Variants in RUNX1 observed in about 807,000 individuals in gnomAD.
The protein encoded by RUNX1 is RUNX family transcription factor 1.
Under a neutral mutation model 42.8 loss-of-function variants are expected in RUNX1, and 19 were observed. The observed-to-expected ratio is 0.44, with a 90% CI of 0.31 to 0.65. The LOEUF (loss-of-function observed/expected upper bound fraction) is 0.65. Among genes scored for constraint, RUNX1 ranks in the 30% least tolerant of loss-of-function variants. The pLI, the probability that RUNX1 is intolerant of heterozygous loss-of-function variation, is 0.07. For missense variants in RUNX1, 528 were observed against 672.0 expected, an observed-to-expected ratio of 0.79 and a Z score of 2.37; for synonymous variants, 271 against 289.4, an observed-to-expected ratio of 0.94 and a Z score of 0.64.
intron 8 of RUNX1, among the ~76,000 whole-genome samples, chr21:34,793,700 TTTA>T (rs1462336370): frequency 7.5e-6 from 1 of 133,522 alleles, no homozygotes; most frequent in African/African-American, 3.0e-5. Flanking sequence ...AGAGCAAATA[TTTA>T]TTCTTTTTTT....
chr21:34,813,220 A>G (rs934568531), intron 7 of RUNX1, among the ~76,000 whole-genome samples: 11 of 152,100 alleles, frequency 7.2e-5, no homozygotes, highest in Non-Finnish European at 1.5e-4. Flanking sequence ...ACATCCTACA[A>G]TGCACAGGAT....
At chr21:34,945,816 T>C (rs1157998501) in intron 2 of RUNX1, among the ~76,000 whole-genome samples, 5 of 152,220 alleles carry the variant, frequency 3.3e-5, no homozygotes, top group South Asian at 2.1e-4. Flanking sequence ...ATTGTATCTA[T>C]GAATGTGAAC....
chr21:34,995,435 CTTTTTTTTT>C (rs5843694), intron 2 of RUNX1, among the ~76,000 whole-genome samples: 2 of 82,074 alleles, frequency 2.4e-5, no homozygotes, highest in Non-Finnish European at 4.4e-5. Flanking sequence ...TTTCTGGGAG[CTTTTTTTTT>C]TTTTTTTTTT....
At chr21:35,012,387 T>C (rs2059132118) in intron 2 of RUNX1, among the ~76,000 whole-genome samples, 1 of 152,214 alleles carries the variant, frequency 6.6e-6, no homozygotes, top group Non-Finnish European at 1.5e-5. Flanking sequence ...TAAAGTCACT[T>C]TTACAAAGTT....
chr21:34,793,324 G>T (rs995626477), intron 8 of RUNX1, among the ~76,000 whole-genome samples: 1 of 152,058 alleles, frequency 6.6e-6, no homozygotes, highest in Non-Finnish European at 1.5e-5. Context: ...CATGATATAT[G>T]AAATGATGTA....
At chr21:34,981,714 T>C (rs2058847582) in intron 2 of RUNX1, among the ~76,000 whole-genome samples, 1 of 152,246 alleles carries the variant, frequency 6.6e-6, no homozygotes, top group African/African-American at 2.4e-5. Flanking sequence ...GTTAATTTAA[T>C]CCATTTTGCT....
chr21:34,825,032 T>A (rs956330115), intron 7 of RUNX1, among the ~76,000 whole-genome samples: 4 of 152,258 alleles, frequency 2.6e-5, no homozygotes, highest in African/African-American at 9.6e-5. Flanking sequence ...GTTTCTTTTT[T>A]AAATGTCCAA....
At chr21:35,049,058 C>A in intron 1 of RUNX1, 100 bp from the exon 2 acceptor site, 1 of 685,912 alleles carries the variant, frequency 1.5e-6, no homozygotes, top group Non-Finnish European at 2.6e-6. Context: ...CTGGGACTCC[C>A]CAAGCCCTAT....
intron 2 of RUNX1, among the ~76,000 whole-genome samples, chr21:35,019,454 T>C (rs2059182781): frequency 6.6e-6 from 1 of 152,228 alleles, no homozygotes; most frequent in Non-Finnish European, 1.5e-5. Context: ...CATAGCTTTC[T>C]TTTATGTCTG....
chr21:35,038,751 T>A (rs764645071), intron 2 of RUNX1: 1 of 456,042 alleles, frequency 2.2e-6, no homozygotes, highest in Admixed American at 2.3e-5. Flanking sequence ...ATGGGAATTA[T>A]AGTTTGGGTT....
At chr21:34,896,701 A>T (rs1430245483) in intron 2 of RUNX1, among the ~76,000 whole-genome samples, 2 of 151,984 alleles carry the variant, frequency 1.3e-5, no homozygotes, top group Non-Finnish European at 2.9e-5. Flanking sequence ...AAAAGAAAAG[A>T]ATAAAGGAAA....
intron 7 of RUNX1, among the ~76,000 whole-genome samples, chr21:34,805,525 T>TCA (rs2056667261): frequency 6.6e-6 from 1 of 152,222 alleles, no homozygotes; most frequent in African/African-American, 2.4e-5. Flanking sequence ...AAGAATTACA[T>TCA]TATCTTTCTC....
chr21:34,943,787 C>T (rs2058545110), intron 2 of RUNX1, among the ~76,000 whole-genome samples: 1 of 151,994 alleles, frequency 6.6e-6, no homozygotes, highest in African/African-American at 2.4e-5. Context: ...AATTTGGAAC[C>T]CTCGCAAATC....
At chr21:34,980,735 G>A (rs1444901460) in intron 2 of RUNX1, among the ~76,000 whole-genome samples, 1 of 152,194 alleles carries the variant, frequency 6.6e-6, no homozygotes, top group Non-Finnish European at 1.5e-5. Flanking sequence ...GTGATTGTGT[G>A]CCAGTGAACA....
chr21:35,005,724 C>T (rs2059079368), intron 2 of RUNX1, among the ~76,000 whole-genome samples: 1 of 152,158 alleles, frequency 6.6e-6, no homozygotes, highest in Non-Finnish European at 1.5e-5. Context: ...AAATGCTGTA[C>T]ATGGAGGAAG....
At chr21:35,014,207 T>G (rs951440727) in intron 2 of RUNX1, among the ~76,000 whole-genome samples, 4 of 152,214 alleles carry the variant, frequency 2.6e-5, no homozygotes, top group Non-Finnish European at 5.9e-5. Flanking sequence ...CAGCTGTACT[T>G]TAATTAATTG....
In RUNX1 at chr21:34,788,909, CCAAAGAAACAGGTATTT is replaced by C. The variant is rs1189693508; in HGVS notation, c.*3209_*3225del. On this transcript the variant is annotated 3_prime_UTR_variant, in exon 9 of 9. Transcript: ENST00000675419. ...ATAAAAATCATCAGGACGGAATGTC[CCAAAGAAACAGGTATTT>C]CAAGGCAGAAATCTGCAATCCTAAA... 2.1e-5 allele frequency: 5 copies of C among 233,104 alleles called. No individual in the cohort carries two copies. The highest frequency in any genetic ancestry group is 8.8e-5 in the African/African-American group (4 of 45,298). 14.4% of individuals were successfully genotyped at this position (233,104 alleles called of 1,614,324 possible). A position where few individuals can be genotyped will look rare whatever the true frequency, so the allele number is the denominator to read the frequency against.
intron 2 of RUNX1, among the ~76,000 whole-genome samples, chr21:34,998,354 G>A (rs906208278): frequency 2.6e-5 from 4 of 151,886 alleles, no homozygotes; most frequent in Admixed American, 1.3e-4. Context: ...AGAGACCACC[G>A]TGTGACTTTC....
chr21:34,787,994 C>G lies in RUNX1; in HGVS notation c.*4141G>C, dbSNP rs771441558. 7.3e-5 allele frequency: 17 copies of G among 233,292 alleles called. No individual in the cohort carries two copies. Among genetic ancestry groups the G allele is most frequent in the Non-Finnish European group, 1.2e-4 (14 of 118,168 alleles). 14.5% of individuals were successfully genotyped at this position (233,292 alleles called of 1,614,324 possible). ...GGAGGCGGCCCACCCGACTGTGTAC[C>G]GTGGACTGTGGACAGTGCAGTGCCT... On this transcript the variant is annotated 3_prime_UTR_variant, in exon 9 of 9. Transcript: ENST00000675419.
Sources: allele counts gnomAD v4.1 joint callset (sites outside exome capture counted in the v4.1 genomes callset), GRCh38; gene constraint gnomAD v4.1.1; transcripts MANE v1.5; gene names NCBI Gene and HGNC (gene_info 2026-07-23, HGNC 2026-07-21).